Variants in BABAM2 observed in about 807,000 individuals in gnomAD.
The protein encoded by BABAM2 is BRISC and BRCA1 A complex member 2, also known as BRISC and BRCA1-A complex member 2.
In BABAM2, 31 loss-of-function variants were observed where a neutral mutation model predicts 54.7. The observed-to-expected ratio is 0.57, with a 90% CI of 0.43 to 0.77. The LOEUF (loss-of-function observed/expected upper bound fraction) is 0.77, where lower values mean the gene tolerates loss of function less well. Ranked by LOEUF, BABAM2 falls within the 30% of genes least tolerant of loss-of-function variation. BABAM2 has a pLI of 0.00. For missense variants in BABAM2, 364 were observed against 455.8 expected (o/e 0.80, Z 1.83); for synonymous variants, 167 against 162.9 (o/e 1.03, Z -0.19).
At chr2:28,084,662 TG>T (rs1320686017) in intron 6 of BABAM2, among the ~76,000 whole-genome samples, 1 of 152,162 alleles carries the variant, frequency 6.6e-6, no homozygotes, top group African/African-American at 2.4e-5. Context: ...CATCTGTTGC[TG>T]GAAAGGGTAA....
At chr2:28,012,925 C>G (rs1674503441) in intron 4 of BABAM2, among the ~76,000 whole-genome samples, 2 of 152,114 alleles carry the variant, frequency 1.3e-5, no homozygotes, top group African/African-American at 4.8e-5. Flanking sequence ...ACCTTTGTTT[C>G]CTCCCATTTA....
chr2:28,211,239 A>G (rs1244145981), intron 7 of BABAM2, among the ~76,000 whole-genome samples: 2 of 152,178 alleles, frequency 1.3e-5, no homozygotes, highest in African/African-American at 2.4e-5. Flanking sequence ...ATGTTGAGTT[A>G]GTTGGGACTT....
intron 7 of BABAM2, among the ~76,000 whole-genome samples, chr2:28,228,355 G>A (rs56357674): frequency 1.6e-3 from 241 of 152,254 alleles, no homozygotes; most frequent in Middle Eastern, 6.8e-3. Context: ...ATCTTTCTTG[G>A]ACCATCATTA....
intron 7 of BABAM2, among the ~76,000 whole-genome samples, chr2:28,209,801 T>C (rs976897282): frequency 6.6e-6 from 1 of 152,194 alleles, no homozygotes; most frequent in African/African-American, 2.4e-5. Flanking sequence ...ATCCTAGGGA[T>C]TGAGATATAG....
intron 11 of BABAM2, among the ~76,000 whole-genome samples, chr2:28,315,323 G>A (rs1023878484): frequency 2.6e-5 from 4 of 151,636 alleles, no homozygotes; most frequent in Non-Finnish European, 5.9e-5. Flanking sequence ...TGAAATGATT[G>A]TAAAATGCCT....
intron 7 of BABAM2, among the ~76,000 whole-genome samples, chr2:28,135,813 A>T (rs1386461965): frequency 6.6e-6 from 1 of 152,154 alleles, no homozygotes; most frequent in Non-Finnish European, 1.5e-5. Context: ...GAGTCTTGTC[A>T]TGCCTACTAT....
chr2:28,195,453 GA>G, intron 7 of BABAM2, among the ~76,000 whole-genome samples: 1 of 151,846 alleles, frequency 6.6e-6, no homozygotes. Context: ...TATCTGTCTG[GA>G]AAAAAAATCT....
At chr2:28,115,209 A>T (rs1220906031) in intron 6 of BABAM2, among the ~76,000 whole-genome samples, 1 of 151,600 alleles carries the variant, frequency 6.6e-6, no homozygotes, top group African/African-American at 2.4e-5. Context: ...ACACACACAC[A>T]CACACACACA....
At chr2:28,311,890 A>G (rs1420870697) in intron 11 of BABAM2, among the ~76,000 whole-genome samples, 3 of 152,200 alleles carry the variant, frequency 2.0e-5, no homozygotes, top group Non-Finnish European at 4.4e-5. Context: ...CTCGTATCTG[A>G]TATTTATAGA....
intron 7 of BABAM2, among the ~76,000 whole-genome samples, chr2:28,197,847 A>G (rs775404783): frequency 3.3e-5 from 5 of 152,210 alleles, no homozygotes; most frequent in Non-Finnish European, 7.3e-5. Context: ...AGCAAGATCC[A>G]GAAGAGTAGG....
chr2:28,097,879 G>A (rs935857393), intron 6 of BABAM2, among the ~76,000 whole-genome samples: 2 of 152,122 alleles, frequency 1.3e-5, no homozygotes, highest in African/African-American at 4.8e-5. Flanking sequence ...TCTGTAATCG[G>A]ATTGCTTCTG....
chr2:28,091,454 G>A (rs1346743121), intron 6 of BABAM2, among the ~76,000 whole-genome samples: 1 of 152,134 alleles, frequency 6.6e-6, no homozygotes, highest in Admixed American at 6.5e-5. Context: ...TCAAAGGGCT[G>A]GATGACACTG....
intron 6 of BABAM2, among the ~76,000 whole-genome samples, chr2:28,091,832 A>G (rs1323501442): frequency 6.6e-6 from 1 of 152,210 alleles, no homozygotes; most frequent in Non-Finnish European, 1.5e-5. Flanking sequence ...ATATGCATAT[A>G]TAATAATTTC....
intron 4 of BABAM2, among the ~76,000 whole-genome samples, chr2:28,007,854 C>T (rs964397327): frequency 6.6e-6 from 1 of 152,026 alleles, no homozygotes; most frequent in African/African-American, 2.4e-5. Context: ...ATTGTATTTT[C>T]AGAATTGCTC....
chr2:27,942,326 T>C (rs539643571), intron 3 of BABAM2, among the ~76,000 whole-genome samples: 236 of 152,288 alleles, frequency 1.5e-3, no homozygotes, highest in Non-Finnish European at 2.6e-3. Flanking sequence ...TTTTGCACTT[T>C]CTTTGCTTTG....
At position 28,112,147 on chromosome 2, in the gene BABAM2, T is replaced by TTCTTTCCTTCCC. The variant is rs1558346715; in HGVS notation, c.571-17123_571-17122insCTTTCCTTCCCT. On this transcript the variant is annotated intron_variant, in intron 6 of 11. Transcript: ENST00000379624. ...TTTCTTTCTTTCTTTCTTTCTTTCT[T>TTCTTTCCTTCCC]TACCTCCCTCCCTCCCTCCCTCCCT... Among the ~76,000 whole-genome samples the TTCTTTCCTTCCC allele has an allele frequency of 1.5e-3, 8 of 5,250 alleles. 1 individual carries two copies. Among genetic ancestry groups the TTCTTTCCTTCCC allele is most frequent in the Non-Finnish European group, 2.2e-3 (7 of 3,158 alleles). The allele number at this position is 5,250 out of a possible 152,430, so 3.4% of individuals were successfully genotyped here. A position where few individuals can be genotyped will look rare whatever the true frequency, so the allele number is the denominator to read the frequency against.
At chr2:27,986,588 CAG>C (rs943926761) in intron 3 of BABAM2, among the ~76,000 whole-genome samples, 7 of 152,066 alleles carry the variant, frequency 4.6e-5, no homozygotes, top group African/African-American at 7.2e-5. Context: ...AGCATGGAAT[CAG>C]GGAACGAGAG....
At chr2:28,122,430 C>T (rs762325111) in intron 6 of BABAM2, among the ~76,000 whole-genome samples, 6 of 152,116 alleles carry the variant, frequency 3.9e-5, no homozygotes, top group Non-Finnish European at 8.8e-5. Flanking sequence ...AACACAGAAG[C>T]ACTTACTTGA....
intron 11 of BABAM2, chr2:28,308,369 G>A (rs902685229): frequency 2.0e-6 from 1 of 493,926 alleles, no homozygotes; most frequent in East Asian, 5.3e-5. Context: ...GGAGAAACAA[G>A]CTTGACCAAT....
Sources: gnomAD v4.1 joint callset for allele counts (sites outside exome capture counted in the v4.1 genomes callset) on GRCh38, gnomAD v4.1.1 for gene constraint, MANE v1.5 for transcripts, NCBI Gene and HGNC (gene_info 2026-07-23, HGNC 2026-07-21) for gene names.